The following MS4A4E variants were observed in gnomAD, a reference collection of about 807,000 sequenced individuals.
The protein encoded by MS4A4E is membrane spanning 4-domains A4E.
A neutral mutation model predicts 13.3 loss-of-function variants in MS4A4E; 23 were observed. That is an observed-to-expected ratio of 1.73 (90% CI 1.25 to 2.45). The LOEUF (loss-of-function observed/expected upper bound fraction) is 2.45. Ranked by LOEUF, MS4A4E falls within the 30% of genes most tolerant of loss-of-function variation. The pLI is 0.00. For missense variants in MS4A4E, 144 were observed against 131.2 expected (o/e 1.10, Z -0.48); for synonymous variants, 36 against 45.6 (o/e 0.79, Z 0.85).
intron 7 of MS4A4E, among the ~76,000 whole-genome samples, chr11:60,205,302 C>G (rs1473123344): frequency 6.6e-6 from 1 of 152,034 alleles, no homozygotes; most frequent in Non-Finnish European, 1.5e-5. Flanking sequence ...GTGTCCTGTC[C>G]CATAAAAGTT....
intron 1 of MS4A4E, among the ~76,000 whole-genome samples, chr11:60,241,778 T>C (rs968233029): frequency 6.6e-6 from 1 of 152,238 alleles, no homozygotes; most frequent in African/African-American, 2.4e-5. Context: ...GGGAGGGACA[T>C]TTCTTTCAGG....
In MS4A4E at chr11:60,208,511, G is replaced by C. The variant is rs902096722; in HGVS notation, c.483+82C>G. On this transcript the variant is annotated intron_variant, in intron 6 of 8. Coordinates refer to ENST00000651255, the MANE Select transcript of MS4A4E (RefSeq NM_001393391.1). ...CTGAAATATAATGAATGTGTACTGT[G>C]TTAAGACTATAAGTTTGTTTAACTG... 18 of 505,476 alleles carry C rather than the reference G, an allele frequency of 3.6e-5. No individual in the cohort carries two copies. The Middle Eastern group carries it at 1.3e-3, about 35-fold the overall frequency. 31.3% of individuals were successfully genotyped at this position (505,476 alleles called of 1,614,324 possible). A position where few individuals can be genotyped will look rare whatever the true frequency, so the allele number is the denominator to read the frequency against.
rs567761218 is a variant in MS4A4E, at chr11:60,227,138, TAA to T, written c.178+1454_178+1455del. The stretch of plus-strand genomic sequence containing the variant: ...TCTATAAGAGAAACTTAAAAAAAAA[TAA>T]GTCGAATAACTAAATAAATGGAGAG... On this transcript the variant is annotated intron_variant, in intron 3 of 8. Coordinates refer to ENST00000651255, the MANE Select transcript of MS4A4E (RefSeq NM_001393391.1). Among the ~76,000 whole-genome samples, 202 of 148,944 alleles carry T rather than the reference TAA, an allele frequency of 1.4e-3. 1 individual carries two copies. The highest frequency in any genetic ancestry group is 4.9e-3 in the African/African-American group (196 of 40,408).
At chr11:60,202,959 A>G (rs2084003568) in intron 8 of MS4A4E, among the ~76,000 whole-genome samples, 1 of 152,208 alleles carries the variant, frequency 6.6e-6, no homozygotes, top group Non-Finnish European at 1.5e-5. Flanking sequence ...CAGTAATATT[A>G]TAAATTCCCA....
Position 60,206,485 on chromosome 11 carries a change from A to G in MS4A4E, c.484-665T>C, listed in dbSNP as rs9734578. On this transcript the variant is annotated intron_variant, in intron 6 of 8. Transcript: ENST00000651255. ...TATACACACACACACATATATATAT[A>G]TATGTATATATATACGTATATATAT... Among the ~76,000 whole-genome samples, 135 of 77,150 alleles carry G rather than the reference A, an allele frequency of 1.7e-3. 5 individuals carry two copies. In the East Asian group the frequency reaches 0.023, roughly 13 times the overall value. The allele number at this position is 77,150 out of a possible 152,430, so 50.6% of individuals were successfully genotyped here.
intron 1 of MS4A4E, among the ~76,000 whole-genome samples, chr11:60,240,116 T>C (rs1422336061): frequency 2.6e-5 from 4 of 152,192 alleles, no homozygotes; most frequent in African/African-American, 9.6e-5. Context: ...TTCAGAACAC[T>C]ACAAGCAGTC....
At chr11:60,211,707 G>A (rs957781388) in intron 5 of MS4A4E, among the ~76,000 whole-genome samples, 4 of 152,202 alleles carry the variant, frequency 2.6e-5, no homozygotes, top group Non-Finnish European at 4.4e-5. Context: ...GAGGTCAGGA[G>A]TTCAAGACCA....
chr11:60,211,419 G>A (rs1389340901), intron 5 of MS4A4E, among the ~76,000 whole-genome samples: 1 of 152,136 alleles, frequency 6.6e-6, no homozygotes, highest in Non-Finnish European at 1.5e-5. Context: ...AGACTATGTG[G>A]GATTAGCTAG....
chr11:60,240,403 T>G (rs12271845), intron 1 of MS4A4E, among the ~76,000 whole-genome samples: 2,574 of 152,320 alleles, frequency 0.017, 76 homozygotes, highest in African/African-American at 0.059. Flanking sequence ...AGCCTCTGAA[T>G]GTTCCCCGGT....
intron 5 of MS4A4E, among the ~76,000 whole-genome samples, chr11:60,212,400 C>T (rs559876802): frequency 6.6e-6 from 1 of 151,728 alleles, no homozygotes; most frequent in Admixed American, 6.6e-5. Flanking sequence ...AGCTCCACCT[C>T]CTGGGTTCAC....
chr11:60,242,818 C>T, intron 1 of MS4A4E, 140 bp downstream of exon 1: 1 of 520,210 alleles, frequency 1.9e-6, no homozygotes. Context: ...GCACTCAATC[C>T]ACCCCAACCC....
At chr11:60,220,868 C>A (rs1271499845) in intron 3 of MS4A4E, among the ~76,000 whole-genome samples, 1 of 152,144 alleles carries the variant, frequency 6.6e-6, no homozygotes, top group African/African-American at 2.4e-5. Context: ...TTACTTGGCC[C>A]ATTAATCAAG....
intron 3 of MS4A4E, among the ~76,000 whole-genome samples, chr11:60,228,374 A>T (rs1565126420): frequency 6.6e-6 from 1 of 152,224 alleles, no homozygotes; most frequent in Non-Finnish European, 1.5e-5. Flanking sequence ...CAGGGAAATG[A>T]AAATTAAAAT....
Position 60,228,614 on chromosome 11 carries a change from T to C in MS4A4E, c.158A>G (p.His53Arg), listed in dbSNP as rs1186803110. The C allele has an allele frequency of 7.2e-6, 5 of 698,718 alleles. No individual in the cohort carries two copies. Among genetic ancestry groups the C allele is most frequent in the South Asian group, 3.0e-5 (2 of 66,192 alleles). 43.3% of individuals were successfully genotyped at this position (698,718 alleles called of 1,614,324 possible). A position where few individuals can be genotyped will look rare whatever the true frequency, so the allele number is the denominator to read the frequency against. ...CTTACCCGAATGAGTTGAAAACTTA[T>C]GTCCACACAAAACCTGCACACAGAT... ...KPKVLGVLCGHKFSTHSVSLS... is the reference protein window; with the variant it reads ...KPKVLGVLCGRKFSTHSVSLS... Residue 53 changes from histidine (H) to arginine (R), a missense_variant, in exon 3 of 9, where the codon CAT becomes CGT. This residue lies in a region of MS4A4E where 119 missense variants were observed against 88.7 expected (regional missense o/e 1.34). Transcript: ENST00000651255.
In MS4A4E at chr11:60,229,962, A is replaced by G. The variant is rs757382273; in HGVS notation, c.94T>C (p.Cys32Arg). 1 of 1,613,540 alleles carries G rather than the reference A, an allele frequency of 6.2e-7. No individual in the cohort carries two copies. The highest frequency in any genetic ancestry group is 8.5e-7 in the Non-Finnish European group (1 of 1,179,732). ...AAGAACTTCTCTTGCAATCCTTTAC[A>G]CAGATATGAATGTATGACATCTATG... ...GNIDVIHSYL[C>R]KGLQEKFFKR... is the part of the protein sequence containing the mutation. The change falls in exon 2 of 9, where the codon TGT becomes CGT. Residue 32 changes from cysteine (C) to arginine (R), a missense_variant. By Grantham distance (180) the Cys-to-Arg change is radical (BLOSUM62 -3). This residue lies in a region of MS4A4E where 119 missense variants were observed against 88.7 expected (regional missense o/e 1.34). Coordinates refer to ENST00000651255, the MANE Select transcript of MS4A4E (RefSeq NM_001393391.1).
chr11:60,222,945 C>A (rs2084290368), intron 3 of MS4A4E, among the ~76,000 whole-genome samples: 1 of 152,030 alleles, frequency 6.6e-6, no homozygotes, highest in Non-Finnish European at 1.5e-5. Flanking sequence ...TATTACCATG[C>A]CCTATGATTA....
intron 1 of MS4A4E, 101 bp downstream of exon 1, chr11:60,242,857 A>T (rs191918513): frequency 7.6e-6 from 6 of 791,632 alleles, no homozygotes; most frequent in Middle Eastern, 6.7e-4. Context: ...ATGGGAAGTG[A>T]CCTCATTTTT....
intron 3 of MS4A4E, chr11:60,224,960 C>T: frequency 1.3e-6 from 2 of 1,508,788 alleles, no homozygotes; most frequent in Non-Finnish European, 1.8e-6. Context: ...AAATACCCTG[C>T]TTACCATCAC....
chr11:60,227,749 A>ACAAATAGAT (rs1409824438), intron 3 of MS4A4E, among the ~76,000 whole-genome samples: 1 of 152,138 alleles, frequency 6.6e-6, no homozygotes, highest in Admixed American at 6.5e-5. Context: ...AAAGAAATAG[A>ACAAATAGAT]CAAATAGATC....
Sources: allele counts gnomAD v4.1 joint callset (sites outside exome capture counted in the v4.1 genomes callset), GRCh38; gene constraint gnomAD v4.1.1; regional missense constraint gnomAD v4.1.1; transcripts MANE v1.5; gene names NCBI Gene and HGNC (gene_info 2026-07-23, HGNC 2026-07-21).